The following CD2AP variants were observed in gnomAD, a reference collection of about 807,000 sequenced individuals.
CD2AP encodes CD2-associated protein.
CD2AP carries 46 observed loss-of-function variants against 85.1 expected under a neutral mutation model. The ratio of observed to expected loss-of-function variants is 0.54; its 90% CI spans 0.43 to 0.69. The LOEUF is 0.69. CD2AP is among the 30% of genes least tolerant of loss of function. CD2AP has a pLI of 0.00. For missense variants in CD2AP, 769 were observed against 729.5 expected (o/e 1.05, Z -0.62); for synonymous variants, 255 against 252.9 (o/e 1.01, Z -0.08).
At chr6:47,495,196 G>C (rs926452122) in intron 1 of CD2AP, among the ~76,000 whole-genome samples, 11 of 152,154 alleles carry the variant, frequency 7.2e-5, no homozygotes, top group Non-Finnish European at 1.5e-4. Flanking sequence ...TTTCAGGTGT[G>C]ATTAAGGATT....
At chr6:47,600,425 T>C (rs1422022412) in intron 13 of CD2AP, among the ~76,000 whole-genome samples, 1 of 151,966 alleles carries the variant, frequency 6.6e-6, no homozygotes, top group Non-Finnish European at 1.5e-5. Flanking sequence ...GCTATTACAT[T>C]TCAGGGTTTT....
chr6:47,589,565 C>CACACACATACATATATAT, intron 11 of CD2AP, among the ~76,000 whole-genome samples: 1 of 120,998 alleles, frequency 8.3e-6, no homozygotes, highest in African/African-American at 3.0e-5. Flanking sequence ...CACACACACA[C>CACACACATACATATATAT]ATATATATAT....
chr6:47,493,916 T>C (rs1296308675), intron 1 of CD2AP, among the ~76,000 whole-genome samples: 9 of 152,224 alleles, frequency 5.9e-5, no homozygotes, highest in Admixed American at 5.9e-4. Context: ...TTCTGTTTCT[T>C]TTCTAGAGAT....
intron 16 of CD2AP, 88 bp from the exon 17 acceptor site, chr6:47,612,385 G>A (rs1196371803): frequency 2.2e-6 from 2 of 894,512 alleles, no homozygotes; most frequent in East Asian, 5.2e-5. Flanking sequence ...CCATGAACTG[G>A]TAGGTTAGGT....
intron 3 of CD2AP, among the ~76,000 whole-genome samples, chr6:47,535,000 T>G (rs1766990634): frequency 6.6e-6 from 1 of 152,126 alleles, no homozygotes; most frequent in Non-Finnish European, 1.5e-5. Flanking sequence ...TTTTGCCATG[T>G]TGCCTGAGCT....
chr6:47,531,209 C>T (rs1235464992), intron 2 of CD2AP, among the ~76,000 whole-genome samples: 1 of 152,106 alleles, frequency 6.6e-6, no homozygotes, highest in Non-Finnish European at 1.5e-5. Context: ...TCTTGGTTTA[C>T]ACAACACCAT....
At chr6:47,622,397 G>A (rs1417114677) in intron 17 of CD2AP, among the ~76,000 whole-genome samples, 2 of 152,058 alleles carry the variant, frequency 1.3e-5, no homozygotes, top group Admixed American at 6.6e-5. Flanking sequence ...TTTAGCTAGA[G>A]ATTTCCTTCT....
intron 16 of CD2AP, among the ~76,000 whole-genome samples, chr6:47,611,751 G>A (rs991162439): frequency 1.3e-5 from 2 of 151,634 alleles, no homozygotes; most frequent in East Asian, 1.9e-4. Flanking sequence ...CTCATTCCTC[G>A]ATTCCTTCCA....
rs1767317965 is a variant in CD2AP, at chr6:47,544,615, A to C, written c.329A>C (p.Lys110Thr). 6.2e-7 allele frequency: 1 copy of C among 1,603,514 alleles called. No individual in the cohort carries two copies. The highest frequency in any genetic ancestry group is 8.5e-7 in the Non-Finnish European group (1 of 1,170,574). Reference sequence around the variant, plus strand: ...ATGTTACTTTCTTTAGAGACCAAGAAGCGTCAGTGTAAAGTTCTTTTTGAG... The same window carrying C: ...ATGTTACTTTCTTTAGAGACCAAGACGCGTCAGTGTAAAGTTCTTTTTGAG... ...QTKNIKKKTKKRQCKVLFEYI... is the reference protein window; with the variant it reads ...QTKNIKKKTKTRQCKVLFEYI... The change falls in exon 4 of 18, where the codon AAG becomes ACG. Residue 110 changes from lysine to threonine, a missense_variant. Coordinates refer to ENST00000359314, the MANE Select transcript of CD2AP (RefSeq NM_012120.3).
chr6:47,491,271 ATG>A lies in CD2AP; in HGVS notation c.5-11977_5-11976del, dbSNP rs57447174. ...CTTTCTTCCTGATATGTGTGTGTGT[ATG>A]TGTGTGTGTGTGTGTGTGTGTGTGT... On this transcript the variant is annotated intron_variant, in intron 1 of 17. Coordinates refer to ENST00000359314, the MANE Select transcript of CD2AP (RefSeq NM_012120.3). Among the ~76,000 whole-genome samples the A allele has an allele frequency of 5.2e-3, 636 of 122,548 alleles. 7 individuals carry two copies. The highest frequency in any genetic ancestry group is 0.012 in the African/African-American group (463 of 37,516). The allele number at this position is 122,548 out of a possible 152,430, so 80.4% of individuals were successfully genotyped here. A position where few individuals can be genotyped will look rare whatever the true frequency, so the allele number is the denominator to read the frequency against.
chr6:47,625,310 A>G lies in CD2AP; in HGVS notation c.*1083A>G, dbSNP rs529796012. The G allele has an allele frequency of 3.0e-4, 45 of 152,088 alleles. No homozygotes were observed. The highest frequency in any genetic ancestry group is 1.1e-3 in the African/African-American group (45 of 41,558). 9.4% of individuals were successfully genotyped at this position (152,088 alleles called of 1,614,324 possible). A position where few individuals can be genotyped will look rare whatever the true frequency, so the allele number is the denominator to read the frequency against. On this transcript the variant is annotated 3_prime_UTR_variant, in exon 18 of 18. Coordinates refer to ENST00000359314, the MANE Select transcript of CD2AP (RefSeq NM_012120.3). ...GATGTATAATTTACCTAATAGACCA[A>G]ACTAACTCATGGAGATATTTTGAAC...
chr6:47,485,766 T>A (rs1239266299), intron 1 of CD2AP, among the ~76,000 whole-genome samples: 33 of 152,162 alleles, frequency 2.2e-4, no homozygotes, highest in Admixed American at 2.2e-3. Flanking sequence ...TATACTGTAT[T>A]TTTACTATAC....
intron 7 of CD2AP, 103 bp from the exon 8 acceptor site, chr6:47,576,906 C>T (rs897708638): frequency 2.7e-6 from 2 of 752,778 alleles, no homozygotes; most frequent in Admixed American, 4.0e-5. Context: ...TTAAGTTCAT[C>T]TCTAATAACT....
At chr6:47,513,897 G>T (rs191271162) in intron 2 of CD2AP, among the ~76,000 whole-genome samples, 2 of 148,180 alleles carry the variant, frequency 1.3e-5, no homozygotes, top group African/African-American at 5.0e-5. Context: ...TTTTTTGGGG[G>T]GGGGGCTAGC....
chr6:47,618,483 C>T (rs1378960541), intron 17 of CD2AP, among the ~76,000 whole-genome samples: 2 of 152,002 alleles, frequency 1.3e-5, no homozygotes, highest in African/African-American at 2.4e-5. Flanking sequence ...TATCTTTGCT[C>T]ATAGCTCCTA....
At chr6:47,575,411 C>G (rs1035341816) in intron 6 of CD2AP, among the ~76,000 whole-genome samples, 1 of 152,122 alleles carries the variant, frequency 6.6e-6, no homozygotes, top group African/African-American at 2.4e-5. Flanking sequence ...TTGATAATGT[C>G]TACTACTCAA....
chr6:47,480,242 G>A (rs1325673888), intron 1 of CD2AP, among the ~76,000 whole-genome samples: 7 of 152,002 alleles, frequency 4.6e-5, no homozygotes, highest in Non-Finnish European at 8.8e-5. Flanking sequence ...AAGTTTATTG[G>A]TCATGTAATA....
intron 14 of CD2AP, among the ~76,000 whole-genome samples, chr6:47,607,021 G>A (rs1224386637): frequency 6.6e-6 from 1 of 151,876 alleles, no homozygotes; most frequent in African/African-American, 2.4e-5. Context: ...ATCTCCATTA[G>A]TTCAGTTGTT....
intron 6 of CD2AP, 38 bp downstream of exon 6, chr6:47,574,289 T>G (rs769463446): frequency 1.3e-5 from 20 of 1,547,290 alleles, no homozygotes. Context: ...CTCCACTCAT[T>G]CTCTCATTAA....
Sources: gnomAD v4.1 joint callset for allele counts (sites outside exome capture counted in the v4.1 genomes callset) on GRCh38, gnomAD v4.1.1 for gene constraint, MANE v1.5 for transcripts, NCBI Gene and HGNC (gene_info 2026-07-23, HGNC 2026-07-21) for gene names.